The following CASZ1 variants were observed in gnomAD, a reference collection of about 807,000 sequenced individuals.
CASZ1 encodes the protein zinc finger protein castor homolog 1.
A neutral mutation model predicts 135.2 loss-of-function variants in CASZ1; 28 were observed. The ratio of observed to expected loss-of-function variants is 0.21; its 90% confidence interval spans 0.15 to 0.28. CASZ1 has a LOEUF of 0.28. CASZ1 is among the 10% of genes least tolerant of loss of function. The pLI is 1.00. For missense variants in CASZ1, 2,161 were observed against 2,453.3 expected, an observed-to-expected ratio of 0.88 and a Z score of 2.52; for synonymous variants, 1,068 against 1,073.4, an observed-to-expected ratio of 0.99 and a Z score of 0.10.
At chr1:10,761,470 A>G (rs940690397) in intron 1 of CASZ1, among the ~76,000 whole-genome samples, 6 of 152,122 alleles carry the variant, frequency 3.9e-5, no homozygotes, top group African/African-American at 1.2e-4. Context: ...ACTCAATTTC[A>G]TAAAAAGAAA....
At chr1:10,675,767 C>T (rs565987619) in intron 4 of CASZ1, among the ~76,000 whole-genome samples, 4 of 151,460 alleles carry the variant, frequency 2.6e-5, no homozygotes, top group Middle Eastern at 3.4e-3. Context: ...GGTAAGGACT[C>T]GGGGGCCAGC....
chr1:10,764,767 C>A (rs1379909833), intron 1 of CASZ1, among the ~76,000 whole-genome samples: 1 of 152,206 alleles, frequency 6.6e-6, no homozygotes, highest in Non-Finnish European at 1.5e-5. Context: ...TCCCCCAGAG[C>A]CACCAGGCAG....
chr1:10,653,524 C>G lies in CASZ1; in HGVS notation c.2533G>C (p.Gly845Arg), dbSNP rs746715386. Residue 845 changes from glycine (G) to arginine (R), a missense_variant, in exon 11 of 21, where the codon GGA (glycine) becomes CGA (arginine). Physicochemically the swap from Gly to Arg is moderately radical, Grantham distance 125. Transcript: ENST00000377022. ...DTPTLVASGA[G>R]DSAPVAAASV... ...GCGGCAGCCACGGGGGCTGAGTCTC[C>G]AGCTCCCGAGGCGACCAGCGTGGGT... 6.2e-7 allele frequency: 1 copy of G among 1,606,800 alleles called. No homozygotes were observed. The highest frequency in any genetic ancestry group is 2.2e-5 in the East Asian group (1 of 44,774).
At position 10,721,274 on chromosome 1, in the gene CASZ1, C is replaced by G. The variant is rs527260447; in HGVS notation, c.-76-15730G>C. Among the ~76,000 whole-genome samples, 127 of 152,230 alleles carry G rather than the reference C, an allele frequency of 8.3e-4. No homozygotes were observed. Among genetic ancestry groups the G allele is most frequent in the Non-Finnish European group, 1.3e-3 (90 of 68,012 alleles). On this transcript the variant is annotated intron_variant, in intron 2 of 20. Coordinates refer to ENST00000377022, the MANE Select transcript of CASZ1 (RefSeq NM_001079843.3). This position sits in a 1 kb window ranked among gnomAD's most constrained non-coding sequence, Gnocchi z 5.4. ...CTACTGCTCCTATCACCTACCTCCC[C>G]CACCCCCTGATCTTAGGGAAAAAAA...
At chr1:10,737,122 A>C (rs1302066243) in intron 2 of CASZ1, among the ~76,000 whole-genome samples, 2 of 152,216 alleles carry the variant, frequency 1.3e-5, no homozygotes, top group Admixed American at 6.5e-5. Context: ...TGCTGGGGCC[A>C]CAGACCAAGG....
At chr1:10,783,269 G>A (rs1640796132) in intron 1 of CASZ1, among the ~76,000 whole-genome samples, 1 of 151,748 alleles carries the variant, frequency 6.6e-6, no homozygotes, top group South Asian at 2.1e-4. Context: ...GTGTGTGTGT[G>A]TGTGTGTGTA....
intron 5 of CASZ1, among the ~76,000 whole-genome samples, chr1:10,662,967 G>C (rs1643098209): frequency 1.3e-5 from 2 of 152,200 alleles, no homozygotes; most frequent in Non-Finnish European, 2.9e-5. Flanking sequence ...CGTGACCCCA[G>C]TGCACACGCA....
intron 7 of CASZ1, 114 bp downstream of exon 7, chr1:10,658,394 G>A (rs1642881764): frequency 1.1e-5 from 9 of 801,732 alleles, no homozygotes; most frequent in Non-Finnish European, 1.9e-5. Flanking sequence ...GGGGATGGGA[G>A]GAGGCAGCTA....
chr1:10,714,333 G>GAAGAAAGGA lies in CASZ1; in HGVS notation c.-76-8798_-76-8790dup, dbSNP rs572069536. ...AAAGAAAGAAAGAAAGAAAGAAAGG[G>GAAGAAAGGA]AAGAAAGGAAAGAAAGGAAAGAAAG... is the stretch of plus-strand genomic sequence containing the variant. On this transcript the variant is annotated intron_variant, in intron 2 of 20. Coordinates refer to ENST00000377022, the MANE Select transcript of CASZ1 (RefSeq NM_001079843.3). Among the ~76,000 whole-genome samples, 277 of 152,066 alleles carry GAAGAAAGGA rather than the reference G, an allele frequency of 1.8e-3. 4 individuals are homozygous for GAAGAAAGGA. In the South Asian group the frequency reaches 0.026, roughly 14 times the overall value.
intron 4 of CASZ1, among the ~76,000 whole-genome samples, chr1:10,677,780 G>A (rs1638269726): frequency 6.6e-6 from 1 of 152,220 alleles, no homozygotes; most frequent in Non-Finnish European, 1.5e-5. Flanking sequence ...CTTGGAGATT[G>A]CACCAGGCCC....
intron 4 of CASZ1, among the ~76,000 whole-genome samples, chr1:10,667,570 C>T (rs11578562): frequency 0.026 from 4,025 of 152,264 alleles, 89 homozygotes; most frequent in Non-Finnish European, 0.042. Flanking sequence ...GGTTCTGTGA[C>T]GCCGGGTGTC....
chr1:10,660,240 C>G lies in CASZ1; in HGVS notation c.802G>C (p.Glu268Gln). ...AGGCCGGGCAGGGTGCCCACCACCTCCTTGCCCACCCGCTCCTCGGTCTTG... is the reference window on the plus strand; with the variant it reads ...AGGCCGGGCAGGGTGCCCACCACCTGCTTGCCCACCCGCTCCTCGGTCTTG... ...STKTEERVGK[E>Q]VVGTLPGLRL... Residue 268 changes from glutamate (E) to glutamine (Q), a missense_variant, in exon 6 of 21, where the codon GAG (glutamate) becomes CAG (glutamine). By Grantham distance (29) the Glu-to-Gln change is conservative (BLOSUM62 2). Transcript: ENST00000377022. 6.2e-7 allele frequency: 1 copy of G among 1,613,382 alleles called. No individual in the cohort carries two copies. Among genetic ancestry groups the G allele is most frequent in the East Asian group, 2.2e-5 (1 of 44,862 alleles).
chr1:10,748,803 C>G (rs1640095196), intron 2 of CASZ1, among the ~76,000 whole-genome samples: 1 of 152,248 alleles, frequency 6.6e-6, no homozygotes, highest in South Asian at 2.1e-4. Flanking sequence ...CCCAGCCACC[C>G]ACCATGCCCT....
chr1:10,703,677 C>A (rs928097905), intron 3 of CASZ1, among the ~76,000 whole-genome samples: 1 of 152,022 alleles, frequency 6.6e-6, no homozygotes, highest in African/African-American at 2.4e-5. Flanking sequence ...GGTCAGACTC[C>A]GAGGCCCCCT....
In CASZ1 at chr1:10,739,559, C is replaced by T. The variant is rs1156399660; in HGVS notation, c.-77+21142G>A. ...CCGCCCCCCGGGCCCACTCCCCGTT[C>T]TCCCAGCCTTGCTGGCTACTTCCAC... On this transcript the variant is annotated intron_variant, in intron 2 of 20. Coordinates refer to ENST00000377022, the MANE Select transcript of CASZ1 (RefSeq NM_001079843.3). This position sits in a 1 kb window ranked among gnomAD's most constrained non-coding sequence, Gnocchi z 4.8. Among the ~76,000 whole-genome samples the T allele has an allele frequency of 6.6e-6, 1 of 152,214 alleles. No homozygotes were observed. The highest frequency in any genetic ancestry group is 1.5e-5 in the Non-Finnish European group (1 of 68,026).
At position 10,655,721 on chromosome 1, in the gene CASZ1, C is replaced by A. The variant is rs763428082; in HGVS notation, c.1593G>T (p.Pro531=). 5.6e-6 allele frequency: 9 copies of A among 1,614,208 alleles called. No homozygotes were observed. The highest frequency in any genetic ancestry group is 7.6e-6 in the Non-Finnish European group (9 of 1,180,016). ...SLQHGFMRFS[P]LDDCSVYYHG... is the part of the protein sequence containing the mutation. ...GGTAGTAGACGCTGCAGTCGTCCAG[C>A]GGGCTGAAACGCATGAAGCCGTGCT... Residue 531 remains proline, a synonymous_variant, in exon 9 of 21, where the codon CCG becomes CCT. Coordinates refer to ENST00000377022, the MANE Select transcript of CASZ1 (RefSeq NM_001079843.3).
rs1000897173 is a variant in CASZ1 at position 10,721,158 on chromosome 1, T to A, written c.-76-15614A>T. On this transcript the variant is annotated intron_variant, in intron 2 of 20. Coordinates refer to ENST00000377022, the MANE Select transcript of CASZ1 (RefSeq NM_001079843.3). The surrounding 1 kb of genome is among the most constrained non-coding windows in gnomAD (Gnocchi z 5.4). The stretch of plus-strand genomic sequence containing the variant: ...TGATTTATTTGCCTATTAATTATCT[T>A]TCTGGCCAAGCTTGGCCACCAACTC... 2.0e-5 allele frequency among the ~76,000 whole-genome samples: 3 copies of A among 152,114 alleles called. No individual in the cohort carries two copies. Among genetic ancestry groups the A allele is most frequent in the Non-Finnish European group, 4.4e-5 (3 of 68,010 alleles).
In CASZ1 at chr1:10,660,055, G is replaced by A. The variant is rs377360245; in HGVS notation, c.987C>T (p.Asn329=). 2.4e-5 allele frequency: 38 copies of A among 1,614,044 alleles called. No homozygotes were observed. The highest frequency in any genetic ancestry group is 1.6e-4 in the Middle Eastern group (1 of 6,084). Reference sequence around the variant, plus strand: ...TGGATGGCTTCTTGTAGGTGCTCCCGTTCTGGGGCCGCAGATTCTCGCCGG... The same window carrying A: ...TGGATGGCTTCTTGTAGGTGCTCCCATTCTGGGGCCGCAGATTCTCGCCGG... ...LKTGENLRPQ[N]GSTYKKPSKY... is the part of the protein sequence containing the mutation. The change falls in exon 6 of 21, where the codon AAC becomes AAT. Residue 329 remains asparagine (N), a synonymous_variant. Transcript: ENST00000377022.
chr1:10,650,520 A>G (rs1642533314), intron 13 of CASZ1, 172 bp downstream of exon 13: 2 of 596,568 alleles, frequency 3.4e-6, no homozygotes, highest in South Asian at 2.3e-5. Context: ...ATTAATTTGT[A>G]AGCAGTGGCT....
Sources: allele counts gnomAD v4.1 joint callset (sites outside exome capture counted in the v4.1 genomes callset), GRCh38; gene constraint gnomAD v4.1.1; non-coding constraint Gnocchi (gnomAD v3.1); transcripts MANE v1.5; gene names NCBI Gene and HGNC (gene_info 2026-07-23, HGNC 2026-07-21).